Variants in CSMD1 observed in about 807,000 individuals in gnomAD.
The protein encoded by CSMD1 is CUB and Sushi multiple domains 1, also known as CUB and sushi domain-containing protein 1.
Under a neutral mutation model 417.5 loss-of-function variants are expected in CSMD1, and 213 were observed. That is an observed-to-expected ratio of 0.51 (90% CI 0.46 to 0.57). The LOEUF (loss-of-function observed/expected upper bound fraction) is 0.57, where lower values mean the gene tolerates loss of function less well. Ranked by LOEUF, CSMD1 falls within the 20% of genes least tolerant of loss-of-function variation. The pLI is 0.00. For synonymous variants in CSMD1, 2,862 were observed against 1,736.8 expected (o/e 1.65, Z -16.11); for missense variants, 6,923 against 4,529.7 (o/e 1.53, Z -15.17).
intron 6 of CSMD1, among the ~76,000 whole-genome samples, chr8:3,719,029 T>C (rs767480281): frequency 4.6e-5 from 7 of 152,158 alleles, no homozygotes; most frequent in Non-Finnish European, 8.8e-5. Context: ...ACAACATTCT[T>C]CCTGCACTCT....
intron 5 of CSMD1, among the ~76,000 whole-genome samples, chr8:3,941,152 C>T (rs1044487902): frequency 2.6e-5 from 4 of 151,828 alleles, no homozygotes; most frequent in Non-Finnish European, 5.9e-5. Flanking sequence ...GAAATAAAAG[C>T]ACATTTCAAA....
rs549460880 is a variant in CSMD1, at chr8:2,992,534, C to T, written c.8377+5477G>A. ...TGCCTTCTGGATTCAAGCAATTCTC[C>T]TGCCTCAGCCTTCTGAGTAGCTGGG... is the stretch of plus-strand genomic sequence containing the variant. On this transcript the variant is annotated intron_variant, in intron 54 of 69. Coordinates refer to ENST00000635120, the MANE Select transcript of CSMD1 (RefSeq NM_033225.6). Among the ~76,000 whole-genome samples, 20 of 152,094 alleles carry T rather than the reference C, an allele frequency of 1.3e-4. No individual in the cohort carries two copies. In the South Asian group the frequency reaches 4.0e-3, roughly 30 times the overall value.
At chr8:3,518,750 A>C (rs753184339) in intron 10 of CSMD1, among the ~76,000 whole-genome samples, 10 of 152,200 alleles carry the variant, frequency 6.6e-5, no homozygotes, top group Non-Finnish European at 1.3e-4. Context: ...GGAGAAGAAC[A>C]GTTCATTACA....
At chr8:3,401,638 T>C (rs1225966352) in intron 15 of CSMD1, among the ~76,000 whole-genome samples, 1 of 152,178 alleles carries the variant, frequency 6.6e-6, no homozygotes, top group Admixed American at 6.5e-5. Context: ...AGTGAATTTC[T>C]CACAAATGTG....
chr8:4,388,221 C>A (rs1270243386), intron 3 of CSMD1, among the ~76,000 whole-genome samples: 1 of 151,330 alleles, frequency 6.6e-6, no homozygotes, highest in Non-Finnish European at 1.5e-5. Context: ...TTTGCACATG[C>A]GTGTTTACAG....
chr8:3,924,874 G>C (rs1416302454), intron 5 of CSMD1, among the ~76,000 whole-genome samples: 1 of 152,060 alleles, frequency 6.6e-6, no homozygotes, highest in Non-Finnish European at 1.5e-5. Flanking sequence ...TTTCTTTAGG[G>C]TTTGGTACTG....
At chr8:4,292,200 T>C (rs1034288717) in intron 3 of CSMD1, among the ~76,000 whole-genome samples, 1 of 152,118 alleles carries the variant, frequency 6.6e-6, no homozygotes, top group Non-Finnish European at 1.5e-5. Flanking sequence ...TATTTATTTG[T>C]ATATGCTGCT....
intron 7 of CSMD1, among the ~76,000 whole-genome samples, chr8:3,647,253 C>T (rs1028953064): frequency 6.6e-6 from 1 of 152,290 alleles, no homozygotes; most frequent in East Asian, 1.9e-4. Flanking sequence ...TGAGTAACAA[C>T]TCAGATAAAA....
intron 4 of CSMD1, among the ~76,000 whole-genome samples, chr8:4,004,802 T>A (rs1429394947): frequency 6.6e-6 from 1 of 152,198 alleles, no homozygotes; most frequent in Non-Finnish European, 1.5e-5. Flanking sequence ...TGGAGTGCAG[T>A]GGCGCGATCT....
Position 3,106,599 on chromosome 8 carries a change from A to G in CSMD1, c.6878T>C (p.Val2293Ala), listed in dbSNP as rs767707754. ...CTTGCAAGTCAGAATGTCGGTCCCC[A>G]CCAAGGTGTACCCGGGGTGGCACTG... ...KYQCHPGYTL[V>A]GTDILTCKLS... The change falls in exon 46 of 70, where the codon GTG becomes GCG. Residue 2293 changes from valine (V) to alanine (A), a missense_variant. Val to Ala is a moderately conservative substitution (Grantham distance 64). Transcript: ENST00000635120. 1.2e-6 allele frequency: 2 copies of G among 1,613,660 alleles called. No individual in the cohort carries two copies. The highest frequency in any genetic ancestry group is 1.7e-6 in the Non-Finnish European group (2 of 1,179,788).
chr8:2,955,951 G>A (rs1023690981), intron 63 of CSMD1, among the ~76,000 whole-genome samples, 183 bp from the exon 64 acceptor site: 8 of 151,848 alleles, frequency 5.3e-5, no homozygotes, highest in African/African-American at 1.7e-4. Flanking sequence ...ATGTTGTCCA[G>A]TCTGTGCTAG....
intron 40 of CSMD1, among the ~76,000 whole-genome samples, chr8:3,150,604 C>T (rs1347007138): frequency 2.6e-5 from 4 of 152,086 alleles, no homozygotes. Context: ...ATTCATTCAT[C>T]ATTCAGCTAC....
chr8:3,621,864 G>A (rs1047840259), intron 7 of CSMD1, among the ~76,000 whole-genome samples: 10 of 151,866 alleles, frequency 6.6e-5, no homozygotes, highest in East Asian at 5.8e-4. Context: ...CCACCTCGAC[G>A]TCCCAAAGTG....
chr8:3,848,089 C>CTCTCTCTCTA (rs10679534), intron 5 of CSMD1, among the ~76,000 whole-genome samples: 2,385 of 151,710 alleles, frequency 0.016, 58 homozygotes, highest in African/African-American at 0.054. Flanking sequence ...CTCTCTCTCT[C>CTCTCTCTCTA]TAAATATATA....
intron 5 of CSMD1, among the ~76,000 whole-genome samples, chr8:3,988,616 G>C (rs764993972): frequency 6.6e-6 from 1 of 152,188 alleles, no homozygotes; most frequent in African/African-American, 2.4e-5. Flanking sequence ...GACAGCTGGA[G>C]AGGAACGTTT....
At chr8:4,837,140 T>C (rs2116752898) in intron 1 of CSMD1, among the ~76,000 whole-genome samples, 1 of 152,244 alleles carries the variant, frequency 6.6e-6, no homozygotes, top group East Asian at 1.9e-4. Context: ...AATAATGTTA[T>C]GTCTAAATTG....
chr8:4,257,821 C>T (rs1012928886), intron 3 of CSMD1, among the ~76,000 whole-genome samples: 4 of 152,182 alleles, frequency 2.6e-5, no homozygotes, highest in African/African-American at 9.7e-5. Flanking sequence ...AGGTTGCATG[C>T]ATAGGGAATA....
At chr8:3,734,937 C>G (rs1796452260) in intron 6 of CSMD1, among the ~76,000 whole-genome samples, 1 of 152,126 alleles carries the variant, frequency 6.6e-6, no homozygotes, top group Non-Finnish European at 1.5e-5. Flanking sequence ...TTACTTCATC[C>G]AAACCCTCCA....
At chr8:3,606,788 G>C (rs991828957) in intron 8 of CSMD1, among the ~76,000 whole-genome samples, 1 of 150,348 alleles carries the variant, frequency 6.7e-6, no homozygotes, top group Non-Finnish European at 1.5e-5. Context: ...TCCACTCAGC[G>C]CAACCTCCAC....
Sources: allele counts gnomAD v4.1 joint callset (sites outside exome capture counted in the v4.1 genomes callset), GRCh38; gene constraint gnomAD v4.1.1; transcripts MANE v1.5; gene names NCBI Gene and HGNC (gene_info 2026-07-23, HGNC 2026-07-21).